The following CARMIL1 variants were observed in gnomAD, a reference collection of about 807,000 sequenced individuals.
CARMIL1 encodes the protein F-actin-uncapping protein LRRC16A.
Under a neutral mutation model 177.1 loss-of-function variants are expected in CARMIL1, and 90 were observed. The ratio of observed to expected loss-of-function variants is 0.51; its 90% confidence interval spans 0.43 to 0.61. The LOEUF is 0.61. CARMIL1 is among the 20% of genes least tolerant of loss of function. The probability of loss-of-function intolerance (pLI) is 0.00; values close to 1 mark genes in which losing one functional copy is unlikely to be tolerated. For missense variants in CARMIL1, 1,380 were observed against 1,667.0 expected (o/e 0.83, Z 3.00); for synonymous variants, 577 against 606.2 (o/e 0.95, Z 0.71).
chr6:25,441,173 G>A (rs1032387973), intron 5 of CARMIL1, among the ~76,000 whole-genome samples: 1 of 151,860 alleles, frequency 6.6e-6, no homozygotes, highest in Non-Finnish European at 1.5e-5. Flanking sequence ...AATTAGCTGG[G>A]TGTGGTGGTA....
At chr6:25,489,320 G>T (rs1429738803) in intron 13 of CARMIL1, among the ~76,000 whole-genome samples, 1 of 152,076 alleles carries the variant, frequency 6.6e-6, no homozygotes, top group Non-Finnish European at 1.5e-5. Context: ...GGGAGTATTG[G>T]GATAAACCTG....
chr6:25,444,469 CACCCATCAACTCATCATTT>C (rs1362923009), intron 5 of CARMIL1, among the ~76,000 whole-genome samples: 1 of 151,844 alleles, frequency 6.6e-6, no homozygotes, highest in Non-Finnish European at 1.5e-5. Context: ...TGGTTTGCTA[CACCCATCAACTCATCATTT>C]ACATTAGGTA....
At chr6:25,327,907 A>T (rs371495963) in intron 2 of CARMIL1, among the ~76,000 whole-genome samples, 15 of 152,372 alleles carry the variant, frequency 9.8e-5, no homozygotes, top group African/African-American at 3.4e-4. Context: ...GCTCAATATT[A>T]GAATGTTCTA....
At position 25,469,150 on chromosome 6, in the gene CARMIL1, T is replaced by C. The variant is rs143189501; in HGVS notation, c.691-2019T>C. 1.3e-3 allele frequency among the ~76,000 whole-genome samples: 193 copies of C among 152,288 alleles called. 1 individual carries two copies. The highest frequency in any genetic ancestry group is 4.5e-3 in the African/African-American group (187 of 41,564). On this transcript the variant is annotated intron_variant, in intron 9 of 36. Coordinates refer to ENST00000329474, the MANE Select transcript of CARMIL1 (RefSeq NM_017640.6). ...ATTAATTTTTCTCTTTCCTCCTAAATCAGTGGGACACATTAGAAACCCAGC... is the reference window on the plus strand; with the variant it reads ...ATTAATTTTTCTCTTTCCTCCTAAACCAGTGGGACACATTAGAAACCCAGC...
At chr6:25,548,156 C>T (rs1172901681) in intron 26 of CARMIL1, among the ~76,000 whole-genome samples, 3 of 152,110 alleles carry the variant, frequency 2.0e-5, no homozygotes, top group Admixed American at 2.0e-4. Flanking sequence ...CTACCAGATA[C>T]TTCAGGGATT....
At chr6:25,394,075 T>G (rs1313173097) in intron 2 of CARMIL1, among the ~76,000 whole-genome samples, 3 of 152,160 alleles carry the variant, frequency 2.0e-5, no homozygotes, top group Non-Finnish European at 4.4e-5. Flanking sequence ...ATACCACCAC[T>G]TAGTTTCTAC....
At chr6:25,494,701 C>T (rs1008101239) in intron 15 of CARMIL1, among the ~76,000 whole-genome samples, 2 of 152,190 alleles carry the variant, frequency 1.3e-5, no homozygotes, top group Non-Finnish European at 2.9e-5. Flanking sequence ...CATGTGAAAC[C>T]TGCTACATCT....
At chr6:25,350,145 AG>A (rs1403891768) in intron 2 of CARMIL1, among the ~76,000 whole-genome samples, 5 of 152,278 alleles carry the variant, frequency 3.3e-5, no homozygotes, top group African/African-American at 9.6e-5. Flanking sequence ...AGAGCTGGGC[AG>A]GCATGGTTTT....
chr6:25,511,164 TA>T (rs1180240866), intron 20 of CARMIL1, among the ~76,000 whole-genome samples: 1 of 152,214 alleles, frequency 6.6e-6, no homozygotes, highest in African/African-American at 2.4e-5. Context: ...TTTCATCTAA[TA>T]ATTATGTGGA....
At chr6:25,335,373 T>A (rs1048593050) in intron 2 of CARMIL1, among the ~76,000 whole-genome samples, 1 of 152,316 alleles carries the variant, frequency 6.6e-6, no homozygotes, top group Middle Eastern at 3.4e-3. Flanking sequence ...TAAGGATGTG[T>A]TAAATTATGA....
intron 2 of CARMIL1, among the ~76,000 whole-genome samples, chr6:25,412,940 T>C (rs747849662): frequency 4.6e-5 from 7 of 152,148 alleles, no homozygotes; most frequent in Admixed American, 2.0e-4. Context: ...AAAATGTACT[T>C]TTTTGGTGTT....
chr6:25,517,450 A>G (rs779344820), intron 22 of CARMIL1, 35 bp downstream of exon 22: 158 of 1,542,098 alleles, frequency 1.0e-4, no homozygotes, highest in Admixed American at 5.0e-5. Flanking sequence ...CTAGGAAAAT[A>G]AAAAAACAAA....
intron 36 of CARMIL1, among the ~76,000 whole-genome samples, chr6:25,619,227 G>A (rs1426589323): frequency 2.6e-5 from 4 of 152,122 alleles, no homozygotes; most frequent in Non-Finnish European, 5.9e-5. Flanking sequence ...GTCATAGACT[G>A]TTTTTGTGTG....
At chr6:25,291,243 G>A (rs1781940568) in intron 2 of CARMIL1, among the ~76,000 whole-genome samples, 1 of 151,906 alleles carries the variant, frequency 6.6e-6, no homozygotes. Context: ...TATTATTTTG[G>A]GTAACGTATC....
intron 2 of CARMIL1, among the ~76,000 whole-genome samples, chr6:25,332,625 A>G (rs879493537): frequency 2.6e-5 from 4 of 152,082 alleles, no homozygotes; most frequent in Non-Finnish European, 4.4e-5. Context: ...AACATTTGGG[A>G]AATGTTAATT....
rs915310212 is a variant in CARMIL1, at chr6:25,472,407, A to T, written c.780-20A>T. On this transcript the variant is annotated intron_variant, in intron 10 of 36. Transcript: ENST00000329474. ...GTTTTACATTTTGTTATTTAATCTT[A>T]TTGTTTTGTTTACACGCAGAGATTT... 6.7e-7 allele frequency: 1 copy of T among 1,493,876 alleles called. No homozygotes were observed. The highest frequency in any genetic ancestry group is 9.2e-7 in the Non-Finnish European group (1 of 1,092,608). 92.5% of individuals were successfully genotyped at this position (1,493,876 alleles called of 1,614,324 possible).
rs961430173 is a variant in CARMIL1 at position 25,351,757 on chromosome 6, C to T, written c.138+66848C>T. Among the ~76,000 whole-genome samples the T allele has an allele frequency of 3.3e-5, 5 of 152,120 alleles. No homozygotes were observed. The East Asian group carries it at 7.7e-4, about 23-fold the overall frequency. ...AACCTCCCTGAGCCTCGTTGTCCTC[C>T]TCTATAAATAATGGACGATGATGAT... is the stretch of plus-strand genomic sequence containing the variant. On this transcript the variant is annotated intron_variant, in intron 2 of 36. Transcript: ENST00000329474.
At chr6:25,507,213 A>C (rs1204355041) in intron 17 of CARMIL1, among the ~76,000 whole-genome samples, 1 of 152,194 alleles carries the variant, frequency 6.6e-6, no homozygotes. Context: ...ACAGTAATGG[A>C]AAAGCTTTTA....
intron 2 of CARMIL1, among the ~76,000 whole-genome samples, chr6:25,392,054 ATGTGTGTGTGTGTGTGTGTG>A (rs36076582): frequency 0.16 from 22,395 of 139,294 alleles, 2,019 homozygotes; most frequent in East Asian, 0.25. Flanking sequence ...GTGTATATGC[ATGTGTGTGTGTGTGTGTGTG>A]TGTGTGTGTG....
Sources: allele counts gnomAD v4.1 joint callset (sites outside exome capture counted in the v4.1 genomes callset), GRCh38; gene constraint gnomAD v4.1.1; transcripts MANE v1.5; gene names NCBI Gene and HGNC (gene_info 2026-07-23, HGNC 2026-07-21).